CDH12: variants seen among roughly 807,000 people sequenced by gnomAD.
CDH12 encodes cadherin 12.
Under a neutral mutation model 74.1 loss-of-function variants are expected in CDH12, and 41 were observed. That is an observed-to-expected ratio of 0.55 (90% CI 0.43 to 0.72). The LOEUF (loss-of-function observed/expected upper bound fraction) is 0.72. Among genes scored for constraint, CDH12 ranks in the 30% least tolerant of loss-of-function variants. CDH12 has a pLI of 0.00. For synonymous variants in CDH12, 399 were observed against 355.0 expected, an observed-to-expected ratio of 1.12 and a Z score of -1.39; for missense variants, 945 against 977.2, an observed-to-expected ratio of 0.97 and a Z score of 0.44.
At chr5:21,820,749 G>C (rs1748322185) in intron 8 of CDH12, among the ~76,000 whole-genome samples, 1 of 151,928 alleles carries the variant, frequency 6.6e-6, no homozygotes, top group Non-Finnish European at 1.5e-5. Flanking sequence ...ATAAAGCTGA[G>C]GTCATTCAGA....
At chr5:21,878,064 T>C (rs536946727) in intron 6 of CDH12, among the ~76,000 whole-genome samples, 1 of 152,370 alleles carries the variant, frequency 6.6e-6, no homozygotes, top group South Asian at 2.1e-4. Flanking sequence ...TAAGTAATGA[T>C]AGAAATAGTG....
In CDH12 at chr5:22,425,173, A is replaced by AG. The variant is rs1491353011; in HGVS notation, c.-427-19823_-427-19822insC. On this transcript the variant is annotated intron_variant, in intron 2 of 14. Coordinates refer to ENST00000382254, the MANE Select transcript of CDH12 (RefSeq NM_004061.5). ...TGTGTGTATATATATATATATATAA[A>AG]TATATATATATATATACTTCTTTCC... is the stretch of plus-strand genomic sequence containing the variant. Among the ~76,000 whole-genome samples the AG allele has an allele frequency of 3.1e-3, 293 of 95,004 alleles. 5 individuals carry two copies. Among genetic ancestry groups the AG allele is most frequent in the African/African-American group, 0.01 (280 of 27,978 alleles). 62.3% of individuals were successfully genotyped at this position (95,004 alleles called of 152,430 possible). A position where few individuals can be genotyped will look rare whatever the true frequency, so the allele number is the denominator to read the frequency against.
chr5:22,331,870 C>T (rs574696328), intron 3 of CDH12, among the ~76,000 whole-genome samples: 18 of 151,274 alleles, frequency 1.2e-4, no homozygotes, highest in Admixed American at 4.0e-4. Context: ...GCAAGTGACA[C>T]GCTGAAGAAT....
intron 1 of CDH12, among the ~76,000 whole-genome samples, chr5:22,813,235 TGA>T (rs1023592929): frequency 6.6e-6 from 1 of 152,218 alleles, no homozygotes; most frequent in African/African-American, 2.4e-5. Flanking sequence ...GCCTATATTA[TGA>T]AGGACAACTA....
intron 1 of CDH12, among the ~76,000 whole-genome samples, chr5:22,804,887 T>C (rs899648046): frequency 3.3e-5 from 5 of 152,346 alleles, no homozygotes; most frequent in African/African-American, 1.2e-4. Flanking sequence ...TTTTAACTTC[T>C]TGAGTAAAGT....
chr5:22,196,732 G>A (rs538688085), intron 4 of CDH12, among the ~76,000 whole-genome samples: 6 of 152,262 alleles, frequency 3.9e-5, no homozygotes, highest in African/African-American at 1.4e-4. Flanking sequence ...GGGCTCTATT[G>A]TCCTACTTCT....
chr5:21,864,511 T>G (rs1751223892), intron 6 of CDH12, among the ~76,000 whole-genome samples: 1 of 152,164 alleles, frequency 6.6e-6, no homozygotes, highest in African/African-American at 2.4e-5. Context: ...TGGATGCAAC[T>G]TCTCAATCTT....
intron 5 of CDH12, among the ~76,000 whole-genome samples, 200 bp downstream of exon 5, chr5:22,078,246 A>T (rs1742467896): frequency 6.6e-6 from 1 of 152,168 alleles, no homozygotes; most frequent in African/African-American, 2.4e-5. Context: ...ATCAGGAAGA[A>T]TTAAAGCAAA....
chr5:22,784,077 A>T lies in CDH12; in HGVS notation c.-523+68981T>A, dbSNP rs372743138. On this transcript the variant is annotated intron_variant, in intron 1 of 14. Transcript: ENST00000382254. ...CTCTATATATTTATATAAAGAATTA[A>T]ACATTTGTATTTATATGTATTAATC... Among the ~76,000 whole-genome samples, 20 of 152,230 alleles carry T rather than the reference A, an allele frequency of 1.3e-4. No individual in the cohort carries two copies. The South Asian group carries it at 3.9e-3, about 30-fold the overall frequency.
At chr5:22,101,592 T>G (rs2150250009) in intron 4 of CDH12, among the ~76,000 whole-genome samples, 1 of 152,204 alleles carries the variant, frequency 6.6e-6, no homozygotes, top group African/African-American at 2.4e-5. Flanking sequence ...GTATTTTCCA[T>G]CTTAATAAGG....
intron 3 of CDH12, among the ~76,000 whole-genome samples, chr5:22,274,078 C>T (rs1467507100): frequency 1.3e-5 from 2 of 152,090 alleles, no homozygotes; most frequent in Non-Finnish European, 2.9e-5. Flanking sequence ...ACACCAGGCA[C>T]TGTGTTATGC....
intron 5 of CDH12, among the ~76,000 whole-genome samples, chr5:22,036,557 T>C (rs1739202007): frequency 6.6e-6 from 1 of 151,970 alleles, no homozygotes; most frequent in Non-Finnish European, 1.5e-5. Flanking sequence ...TGTGTGTGAG[T>C]GTGTGTGTGC....
intron 1 of CDH12, among the ~76,000 whole-genome samples, chr5:22,534,655 G>A (rs1737746989): frequency 6.6e-6 from 1 of 152,064 alleles, no homozygotes; most frequent in South Asian, 2.1e-4. Flanking sequence ...AGGAGAGAAA[G>A]GGAAAGAGGC....
intron 12 of CDH12, among the ~76,000 whole-genome samples, chr5:21,760,907 G>A (rs1350016280): frequency 6.6e-6 from 1 of 152,078 alleles, no homozygotes; most frequent in Non-Finnish European, 1.5e-5. Flanking sequence ...TGATACCTGC[G>A]TAACTAAAAA....
intron 11 of CDH12, among the ~76,000 whole-genome samples, chr5:21,775,984 C>A (rs1561174077): frequency 6.6e-6 from 1 of 152,122 alleles, no homozygotes; most frequent in Non-Finnish European, 1.5e-5. Context: ...AACTCTTTTC[C>A]TTTAAGTATG....
At chr5:21,786,878 G>A (rs1009229816) in intron 10 of CDH12, among the ~76,000 whole-genome samples, 6 of 152,108 alleles carry the variant, frequency 3.9e-5, no homozygotes, top group African/African-American at 1.4e-4. Flanking sequence ...ACTTTGAGGG[G>A]CCAAGATTTC....
chr5:22,746,826 T>C (rs1745318257), intron 1 of CDH12, among the ~76,000 whole-genome samples: 1 of 152,198 alleles, frequency 6.6e-6, no homozygotes, highest in South Asian at 2.1e-4. Context: ...TTCAGATGTT[T>C]ACATCAGAAT....
At chr5:22,693,754 G>T (rs1742204870) in intron 1 of CDH12, among the ~76,000 whole-genome samples, 1 of 67,714 alleles carries the variant, frequency 1.5e-5, no homozygotes. Flanking sequence ...AATGTTTATT[G>T]AATTTATATA....
At chr5:21,971,443 T>C (rs1418607836) in intron 6 of CDH12, among the ~76,000 whole-genome samples, 1 of 152,148 alleles carries the variant, frequency 6.6e-6, no homozygotes, top group African/African-American at 2.4e-5. Flanking sequence ...ACATGGCACC[T>C]GACTACTGCT....
Sources: gnomAD v4.1 joint callset for allele counts (sites outside exome capture counted in the v4.1 genomes callset) on GRCh38, gnomAD v4.1.1 for gene constraint, MANE v1.5 for transcripts, NCBI Gene and HGNC (gene_info 2026-07-23, HGNC 2026-07-21) for gene names.